Variants in PBK observed in about 807,000 individuals in gnomAD.
The protein encoded by PBK is lymphokine-activated killer T-cell-originated protein kinase.
A neutral mutation model predicts 33.5 loss-of-function variants in PBK; 22 were observed. The ratio of observed to expected loss-of-function variants is 0.66; its 90% CI spans 0.47 to 0.94. PBK has a LOEUF of 0.94. PBK is among the 40% of genes least tolerant of loss of function. PBK has a pLI of 0.00. For synonymous variants in PBK, 129 were observed against 123.8 expected (o/e 1.04, Z -0.28); for missense variants, 376 against 383.4 (o/e 0.98, Z 0.16).
intron 2 of PBK, 30 bp from the exon 3 acceptor site, chr8:27,828,228 T>C (rs1563494457): frequency 5.0e-6 from 5 of 997,132 alleles, no homozygotes; most frequent in Non-Finnish European, 7.6e-6. Context: ...AAAATAAAAT[T>C]AATAAAAAAT....
intron 6 of PBK, 125 bp from the exon 7 acceptor site, chr8:27,811,259 G>A (rs1805676616): frequency 1.3e-6 from 1 of 752,718 alleles, no homozygotes; most frequent in Non-Finnish European, 2.3e-6. Flanking sequence ...GCCAGAAAAT[G>A]TAAAAATACA....
chr8:27,809,689 G>A lies in PBK; in HGVS notation c.*616C>T, dbSNP rs1351732057. The A allele has an allele frequency of 6.6e-6, 1 of 152,106 alleles. No individual in the cohort carries two copies. Among genetic ancestry groups the A allele is most frequent in the Non-Finnish European group, 1.5e-5 (1 of 68,010 alleles). The allele number at this position is 152,106 out of a possible 1,614,324, so 9.4% of individuals were successfully genotyped here. ...AGTTTTATTGTTTTTACACAGCTGG[G>A]AAATGCTTAAGGTACAAATTAATAA... On this transcript the variant is annotated 3_prime_UTR_variant, in exon 8 of 8. Transcript: ENST00000301905.
intron 6 of PBK, among the ~76,000 whole-genome samples, chr8:27,814,747 A>G (rs1447547312): frequency 6.6e-6 from 1 of 152,060 alleles, no homozygotes; most frequent in African/African-American, 2.4e-5. Context: ...TTGTCATTTT[A>G]TTTGACCCAT....
In PBK at chr8:27,810,483, C is replaced by A; in HGVS notation, c.791G>T (p.Ser264Ile). The A allele has an allele frequency of 6.2e-7, 1 of 1,601,454 alleles. No homozygotes were observed. Among genetic ancestry groups the A allele is most frequent in the Non-Finnish European group, 8.5e-7 (1 of 1,172,264 alleles). The change falls in exon 8 of 8, where the codon AGT (serine) becomes ATT (isoleucine). Residue 264 changes from serine (S) to isoleucine (I), a missense_variant. Transcript: ENST00000301905. ...DDDEDKTFDE[S>I]DFDDEAYYAA... ...ATAGTATGCTTCATCATCAAAATCACTTTCATCAAAAGTTTTATCTTGAAG... is the reference window on the plus strand; with the variant it reads ...ATAGTATGCTTCATCATCAAAATCAATTTCATCAAAAGTTTTATCTTGAAG...
At chr8:27,816,567 G>A (rs1463554333) in intron 6 of PBK, among the ~76,000 whole-genome samples, 6 of 151,254 alleles carry the variant, frequency 4.0e-5, no homozygotes, top group African/African-American at 7.3e-5. Context: ...TAGTAGAGAC[G>A]GGGTTTCACT....
At chr8:27,810,703 C>CT (rs1409104152) in intron 7 of PBK, among the ~76,000 whole-genome samples, 2 of 152,078 alleles carry the variant, frequency 1.3e-5, no homozygotes, top group Non-Finnish European at 2.9e-5. Flanking sequence ...TCGACCCCTA[C>CT]TTTTACCCTT....
intron 1 of PBK, among the ~76,000 whole-genome samples, chr8:27,835,326 TATA>T (rs1380536963): frequency 6.6e-6 from 1 of 152,100 alleles, no homozygotes; most frequent in African/African-American, 2.4e-5. Flanking sequence ...TTGTCAAGAG[TATA>T]ATAATTTTAT....
Position 27,810,513 on chromosome 8 carries a change from T to G in PBK, c.773-12A>C, listed in dbSNP as rs757247055. 1 of 1,536,492 alleles carries G rather than the reference T, an allele frequency of 6.5e-7. No individual in the cohort carries two copies. Reference sequence around the variant, plus strand: ...ATCAAAAGTTTTATCTTGAAGGAGTTAGAGATTGAAACAATAAACAAAATC... The same window carrying G: ...ATCAAAAGTTTTATCTTGAAGGAGTGAGAGATTGAAACAATAAACAAAATC... On this transcript the variant is annotated splice_polypyrimidine_tract_variant and intron_variant, in intron 7 of 7. Transcript: ENST00000301905.
At chr8:27,831,386 G>A (rs1246794798) in intron 2 of PBK, among the ~76,000 whole-genome samples, 1 of 151,718 alleles carries the variant, frequency 6.6e-6, no homozygotes, top group East Asian at 1.9e-4. Context: ...CATCCTAAAT[G>A]TGTATGTACC....
At chr8:27,818,309 C>T (rs1038642796) in intron 6 of PBK, among the ~76,000 whole-genome samples, 1 of 152,188 alleles carries the variant, frequency 6.6e-6, no homozygotes, top group Non-Finnish European at 1.5e-5. Context: ...GTTGCTCATA[C>T]TAGCAATCTT....
At chr8:27,830,539 G>A (rs1395226430) in intron 2 of PBK, among the ~76,000 whole-genome samples, 1 of 152,154 alleles carries the variant, frequency 6.6e-6, no homozygotes, top group Admixed American at 6.5e-5. Flanking sequence ...GAGTATAAAT[G>A]GTCTAAACAG....
intron 6 of PBK, among the ~76,000 whole-genome samples, chr8:27,817,642 T>A (rs549028442): frequency 1.6e-4 from 25 of 152,044 alleles, no homozygotes; most frequent in African/African-American, 5.3e-4. Context: ...ATAAAAAAAA[T>A]GCCTGTACTG....
chr8:27,820,640 C>G lies in PBK; in HGVS notation c.520G>C (p.Val174Leu). Residue 174 changes from valine to leucine, a missense_variant, in exon 6 of 8, where the codon GTA becomes CTA. By Grantham distance (32) the Val-to-Leu change is conservative. Coordinates refer to ENST00000301905, the MANE Select transcript of PBK (RefSeq NM_018492.4). Reference sequence around the variant, plus strand: ...ATTGTTTCAAAATCGCCTTTAATTACAACATTTGAAGACTTTATGTCTCCA... The same window carrying G: ...ATTGTTTCAAAATCGCCTTTAATTAGAACATTTGAAGACTTTATGTCTCCA... ...LHGDIKSSNV[V>L]IKGDFETIKI... The G allele has an allele frequency of 6.4e-7, 1 of 1,566,054 alleles. No individual in the cohort carries two copies. The highest frequency in any genetic ancestry group is 1.7e-4 in the Middle Eastern group (1 of 5,988).
At position 27,818,096 on chromosome 8, in the gene PBK, C is replaced by G. The variant is rs188622315; in HGVS notation, c.595+2469G>C. 6.8e-4 allele frequency among the ~76,000 whole-genome samples: 103 copies of G among 152,320 alleles called. 3 individuals carry two copies. In the East Asian group the frequency reaches 0.015, roughly 23 times the overall value. ...ATGGTGGCCATGTTCCATATAGTGGCTGTTCCATCAGTATAAGTCCTAAAG... is the reference window on the plus strand; with the variant it reads ...ATGGTGGCCATGTTCCATATAGTGGGTGTTCCATCAGTATAAGTCCTAAAG... On this transcript the variant is annotated intron_variant, in intron 6 of 7. Coordinates refer to ENST00000301905, the MANE Select transcript of PBK (RefSeq NM_018492.4).
At chr8:27,821,403 C>T (rs1486511722) in intron 5 of PBK, among the ~76,000 whole-genome samples, 1 of 152,062 alleles carries the variant, frequency 6.6e-6, no homozygotes, top group African/African-American at 2.4e-5. Context: ...GCTGGGATTA[C>T]AGGTGCCGCC....
chr8:27,820,558 A>AACTT lies in PBK; in HGVS notation c.595+3_595+6dup, dbSNP rs1458767947. ...ACAAAATTTTAAAACTTAAGAGTACAACTTACCAGTCATATTTTCATCCAG... is the reference window on the plus strand; with the variant it reads ...ACAAAATTTTAAAACTTAAGAGTACAACTTACTTACCAGTCATATTTTCATCCAG... On this transcript the variant is annotated splice_region_variant and intron_variant, in intron 6 of 7. Transcript: ENST00000301905. The AACTT allele has an allele frequency of 6.5e-7, 1 of 1,539,230 alleles. No individual in the cohort carries two copies. The highest frequency in any genetic ancestry group is 8.9e-7 in the Non-Finnish European group (1 of 1,129,748).
chr8:27,837,685 G>A lies in PBK; in HGVS notation c.-54C>T, dbSNP rs1199631699. 1 of 152,346 alleles carries A rather than the reference G, an allele frequency of 6.6e-6. No homozygotes were observed. The highest frequency in any genetic ancestry group is 1.9e-4 in the East Asian group (1 of 5,202). The allele number at this position is 152,346 out of a possible 1,614,324, so 9.4% of individuals were successfully genotyped here. On this transcript the variant is annotated 5_prime_UTR_variant, in exon 1 of 8. Transcript: ENST00000301905. ...CACCGCCTGGAAGGAAAGGTCGGAGGTGAAAATAAGTCGTGGCCAAGTACC... is the reference window on the plus strand; with the variant it reads ...CACCGCCTGGAAGGAAAGGTCGGAGATGAAAATAAGTCGTGGCCAAGTACC...
At chr8:27,827,644 A>G (rs1230601651) in intron 3 of PBK, among the ~76,000 whole-genome samples, 1 of 152,232 alleles carries the variant, frequency 6.6e-6, no homozygotes, top group Non-Finnish European at 1.5e-5. Flanking sequence ...CTTTAAAATC[A>G]TGTATTTACC....
rs972302043 is a variant in PBK, at chr8:27,820,689, C to G, written c.471G>C (p.Leu157=). 4.5e-6 allele frequency: 7 copies of G among 1,540,840 alleles called. No individual in the cohort carries two copies. Among genetic ancestry groups the G allele is most frequent in the Non-Finnish European group, 6.2e-6 (7 of 1,132,008 alleles). The change falls in exon 6 of 8, where the codon CTG becomes CTC. Residue 157 remains leucine, a synonymous_variant. Coordinates refer to ENST00000301905, the MANE Select transcript of PBK (RefSeq NM_018492.4). ...ALNMARGLKY[L]HQEKKLLHGD... is the part of the protein sequence containing the mutation. The stretch of plus-strand genomic sequence containing the variant: ...CATGAAGCAGTTTCTTTTCTTGGTG[C>G]AGATACTAAAATAGTAAAAAATTTA...
Sources: gnomAD v4.1 joint callset for allele counts (sites outside exome capture counted in the v4.1 genomes callset) on GRCh38, gnomAD v4.1.1 for gene constraint, MANE v1.5 for transcripts, NCBI Gene and HGNC (gene_info 2026-07-23, HGNC 2026-07-21) for gene names.